Variants in LUZP2 observed in about 807,000 individuals in gnomAD.
LUZP2 encodes leucine zipper protein 2.
LUZP2 carries 52 observed loss-of-function variants against 51.6 expected under a neutral mutation model. The ratio of observed to expected loss-of-function variants is 1.01; its 90% CI spans 0.81 to 1.27. The LOEUF is 1.27. LUZP2 is among the 50% of genes most tolerant of loss of function. The probability of loss-of-function intolerance (pLI) is 0.00; values close to 1 mark genes in which losing one functional copy is unlikely to be tolerated. For missense variants in LUZP2, 436 were observed against 395.4 expected (o/e 1.10, Z -0.87); for synonymous variants, 154 against 137.3 (o/e 1.12, Z -0.85).
chr11:24,558,652 G>A (rs1851943721), intron 1 of LUZP2, among the ~76,000 whole-genome samples: 1 of 152,280 alleles, frequency 6.6e-6, no homozygotes, highest in Non-Finnish European at 1.5e-5. Context: ...AATAGTACTA[G>A]GAGGTGGGCC....
intron 5 of LUZP2, among the ~76,000 whole-genome samples, chr11:24,814,857 C>T (rs1447598002): frequency 3.3e-5 from 5 of 151,736 alleles, no homozygotes; most frequent in Non-Finnish European, 7.4e-5. Context: ...CCAGGCGTGG[C>T]GGTGTGCGCC....
At chr11:24,845,155 G>A (rs1375657258) in intron 5 of LUZP2, among the ~76,000 whole-genome samples, 1 of 152,212 alleles carries the variant, frequency 6.6e-6, no homozygotes, top group African/African-American at 2.4e-5. Context: ...CAGCCAGGAG[G>A]AGGCTGTACC....
chr11:24,690,160 G>A (rs1857022858), intron 1 of LUZP2, among the ~76,000 whole-genome samples: 1 of 151,792 alleles, frequency 6.6e-6, no homozygotes, highest in African/African-American at 2.4e-5. Context: ...ATTTTGTAGT[G>A]CAACATATTA....
At chr11:24,829,417 A>T (rs1265129803) in intron 5 of LUZP2, among the ~76,000 whole-genome samples, 1 of 152,178 alleles carries the variant, frequency 6.6e-6, no homozygotes, top group East Asian at 1.9e-4. Context: ...GCAAACACAT[A>T]AACACAGAAC....
rs183001466 is a variant in LUZP2 at position 24,879,097 on chromosome 11, A to G, written c.397-26894A>G. 3.9e-3 allele frequency among the ~76,000 whole-genome samples: 591 copies of G among 151,816 alleles called. 13 individuals are homozygous for G. The East Asian group carries it at 0.057, about 15-fold the overall frequency. On this transcript the variant is annotated intron_variant, in intron 5 of 11. Coordinates refer to ENST00000336930, the MANE Select transcript of LUZP2 (RefSeq NM_001009909.4). The stretch of plus-strand genomic sequence containing the variant: ...TTAGCTGGGACTACAGGCGCCCACC[A>G]CCATGCCCGGCTAATTTTTTGTATT...
At chr11:24,552,275 T>C (rs1253680217) in intron 1 of LUZP2, among the ~76,000 whole-genome samples, 2 of 152,022 alleles carry the variant, frequency 1.3e-5, no homozygotes, top group African/African-American at 4.8e-5. Flanking sequence ...TAAGTATATG[T>C]CATCTGCAGA....
At chr11:24,533,919 C>A (rs1851090731) in intron 1 of LUZP2, among the ~76,000 whole-genome samples, 1 of 151,206 alleles carries the variant, frequency 6.6e-6, no homozygotes, top group East Asian at 1.9e-4. Context: ...CAACATGACC[C>A]CCGTATCTTT....
At chr11:24,532,570 A>T (rs937359552) in intron 1 of LUZP2, among the ~76,000 whole-genome samples, 2 of 151,026 alleles carry the variant, frequency 1.3e-5, no homozygotes, top group African/African-American at 4.8e-5. Flanking sequence ...AGTCGCTATA[A>T]CTAGTATATA....
intron 9 of LUZP2, among the ~76,000 whole-genome samples, chr11:25,006,359 T>G (rs1447610326): frequency 6.6e-6 from 1 of 152,136 alleles, no homozygotes; most frequent in Non-Finnish European, 1.5e-5. Context: ...GCGACATGAC[T>G]TTGATAGTTC....
At chr11:24,723,290 A>G (rs1858345578) in intron 1 of LUZP2, among the ~76,000 whole-genome samples, 2 of 152,178 alleles carry the variant, frequency 1.3e-5, no homozygotes, top group African/African-American at 4.8e-5. Flanking sequence ...CCTGCAACTA[A>G]TTTGAAAAAT....
At chr11:24,563,018 G>A (rs1245131543) in intron 1 of LUZP2, among the ~76,000 whole-genome samples, 1 of 152,198 alleles carries the variant, frequency 6.6e-6, no homozygotes, top group African/African-American at 2.4e-5. Context: ...TTGAACGGAA[G>A]AAGGCTGACA....
chr11:24,497,229 C>T lies in LUZP2; in HGVS notation c.-15C>T, dbSNP rs1264105204. On this transcript the variant is annotated 5_prime_UTR_variant, in exon 1 of 12. Coordinates refer to ENST00000336930, the MANE Select transcript of LUZP2 (RefSeq NM_001009909.4). ...AGAAGGCAGCGAGGGAAGGAGGACC[C>T]CGGCAGGCAGCAGCATGAAATTCAG... The T allele has an allele frequency of 1.3e-6, 2 of 1,529,960 alleles. No homozygotes were observed. Among genetic ancestry groups the T allele is most frequent in the East Asian group, 2.6e-5 (1 of 38,612 alleles). The allele number at this position is 1,529,960 out of a possible 1,614,324, so 94.8% of individuals were successfully genotyped here. A position where few individuals can be genotyped will look rare whatever the true frequency, so the allele number is the denominator to read the frequency against.
rs186418574 is a variant in LUZP2, at chr11:24,498,659, C to T, written c.62+1354C>T. On this transcript the variant is annotated intron_variant, in intron 1 of 11. Transcript: ENST00000336930. ...TGCTTCCCAGTATTATAATTAGTTG[C>T]TCTAAATACAGAGCCCATTTTAATA... 5.9e-5 allele frequency among the ~76,000 whole-genome samples: 9 copies of T among 152,274 alleles called. No individual in the cohort carries two copies. In the East Asian group the frequency reaches 1.7e-3, roughly 29 times the overall value.
At chr11:24,678,782 G>A (rs1003006486) in intron 1 of LUZP2, among the ~76,000 whole-genome samples, 5 of 152,194 alleles carry the variant, frequency 3.3e-5, no homozygotes, top group Non-Finnish European at 7.3e-5. Flanking sequence ...AGCACAGCAC[G>A]TCGCCCAATG....
chr11:24,951,282 A>T (rs953335882), intron 7 of LUZP2, among the ~76,000 whole-genome samples: 2 of 151,538 alleles, frequency 1.3e-5, no homozygotes, highest in African/African-American at 2.4e-5. Context: ...AATGATTATA[A>T]AAATATTATT....
chr11:24,653,048 A>G (rs1453462316), intron 1 of LUZP2, among the ~76,000 whole-genome samples: 1 of 152,174 alleles, frequency 6.6e-6, no homozygotes, highest in Non-Finnish European at 1.5e-5. Flanking sequence ...GTGGGGAACA[A>G]AATATGTGGG....
Position 25,056,621 on chromosome 11 carries a change from A to G in LUZP2, c.858+6491A>G, listed in dbSNP as rs145658375. Among the ~76,000 whole-genome samples, 30 of 152,270 alleles carry G rather than the reference A, an allele frequency of 2.0e-4. 1 individual carries two copies. Among genetic ancestry groups the G allele is most frequent in the Middle Eastern group, 3.4e-3 (1 of 294 alleles). ...TTTGTATTCAGATCCCTTTATCAAT[A>G]TAAGGTAGATGAAGATTTTTCAAAT... On this transcript the variant is annotated intron_variant, in intron 10 of 11. Coordinates refer to ENST00000336930, the MANE Select transcript of LUZP2 (RefSeq NM_001009909.4).
At chr11:24,566,812 A>G (rs1228540010) in intron 1 of LUZP2, among the ~76,000 whole-genome samples, 1 of 146,284 alleles carries the variant, frequency 6.8e-6, no homozygotes, top group Admixed American at 7.0e-5. Context: ...ATATTTATAT[A>G]TAACTTATAT....
chr11:24,638,276 C>T (rs1022326733), intron 1 of LUZP2, among the ~76,000 whole-genome samples: 5 of 151,218 alleles, frequency 3.3e-5, no homozygotes, highest in Admixed American at 6.6e-5. Context: ...GTTATAAAAT[C>T]GATTATACAT....
Sources: gnomAD v4.1 joint callset for allele counts (sites outside exome capture counted in the v4.1 genomes callset) on GRCh38, gnomAD v4.1.1 for gene constraint, MANE v1.5 for transcripts, NCBI Gene and HGNC (gene_info 2026-07-23, HGNC 2026-07-21) for gene names.